Variants in SPIDR observed in about 807,000 individuals in gnomAD.
The protein encoded by SPIDR is scaffold protein involved in DNA repair.
Under a neutral mutation model 104.6 loss-of-function variants are expected in SPIDR, and 93 were observed. That is an observed-to-expected ratio of 0.89 (90% CI 0.75 to 1.06). The LOEUF (loss-of-function observed/expected upper bound fraction) is 1.06. Among genes scored for constraint, SPIDR ranks in the 50% least tolerant of loss-of-function variants. SPIDR has a pLI of 0.00. For synonymous variants in SPIDR, 431 were observed against 416.9 expected, an observed-to-expected ratio of 1.03 and a Z score of -0.41; for missense variants, 1,154 against 1,111.2, an observed-to-expected ratio of 1.04 and a Z score of -0.55.
intron 6 of SPIDR, among the ~76,000 whole-genome samples, chr8:47,401,807 A>C (rs1013492906): frequency 6.6e-6 from 1 of 152,244 alleles, no homozygotes; most frequent in Non-Finnish European, 1.5e-5. Flanking sequence ...ATGTGCACAC[A>C]ATACAAGAGC....
intron 4 of SPIDR, 142 bp downstream of exon 4, chr8:47,291,279 T>TA (rs1440291044): frequency 7.5e-6 from 4 of 534,212 alleles, no homozygotes; most frequent in Middle Eastern, 8.4e-4. Context: ...GGAAGAAACT[T>TA]ACATTCCTTT....
chr8:47,673,309 C>T (rs966450617), intron 10 of SPIDR: 8 of 423,042 alleles, frequency 1.9e-5, no homozygotes, highest in African/African-American at 6.1e-5. Flanking sequence ...CGTGTCTAAA[C>T]GTGTACTGTC....
intron 8 of SPIDR, among the ~76,000 whole-genome samples, chr8:47,535,445 CATT>C (rs2086735390): frequency 6.6e-6 from 1 of 151,896 alleles, no homozygotes; most frequent in Admixed American, 6.6e-5. Context: ...CAGGCAAAGA[CATT>C]ATAAGAAAGG....
chr8:47,582,048 C>G (rs992565758), intron 8 of SPIDR, among the ~76,000 whole-genome samples: 4 of 152,124 alleles, frequency 2.6e-5, no homozygotes, highest in Admixed American at 6.5e-5. Flanking sequence ...GAAACCCTGT[C>G]TCTACTAAAA....
chr8:47,348,127 T>A (rs551205333), intron 5 of SPIDR, among the ~76,000 whole-genome samples: 1 of 152,220 alleles, frequency 6.6e-6, no homozygotes, highest in African/African-American at 2.4e-5. Flanking sequence ...TCAGGAGTTC[T>A]TTTAGGGCAG....
intron 16 of SPIDR, among the ~76,000 whole-genome samples, chr8:47,719,192 C>T (rs1718792983): frequency 6.6e-6 from 1 of 152,102 alleles, no homozygotes; most frequent in African/African-American, 2.4e-5. Context: ...AGCAGCCCTG[C>T]CATCCTAAGC....
Position 47,293,971 on chromosome 8 carries a change from GCTT to G in SPIDR, c.470_472del (p.Ser157del), listed in dbSNP as rs1433433547. On this transcript the variant is annotated inframe_deletion, in exon 5 of 20. Coordinates refer to ENST00000297423, the MANE Select transcript of SPIDR (RefSeq NM_001080394.4). ...GGGTGCTGTGGAAATCTCAGACTGT[GCTT>G]CTTGTGCAAGTAATCAGTCTTTGAC... is the stretch of plus-strand genomic sequence containing the variant. The G allele has an allele frequency of 8.1e-6, 13 of 1,614,032 alleles. No homozygotes were observed. Among genetic ancestry groups the G allele is most frequent in the Admixed American group, 1.7e-5 (1 of 59,984 alleles).
chr8:47,651,187 G>A (rs2071553847), intron 10 of SPIDR, among the ~76,000 whole-genome samples: 1 of 152,066 alleles, frequency 6.6e-6, no homozygotes, highest in Non-Finnish European at 1.5e-5. Context: ...TTTGTAAACT[G>A]TGCATCTGAC....
chr8:47,397,743 A>T (rs1208592469), intron 6 of SPIDR, among the ~76,000 whole-genome samples: 2 of 152,188 alleles, frequency 1.3e-5, no homozygotes, highest in Non-Finnish European at 2.9e-5. Flanking sequence ...CGACAGGGTC[A>T]TGGCTCTTAT....
chr8:47,715,094 C>T lies in SPIDR; in HGVS notation c.2341+1453C>T, dbSNP rs117231630. ...CGCCCCGTTACCACCCACCCTCCCA[C>T]ACCCTAGTCTTAGGAAACCACCAAT... On this transcript the variant is annotated intron_variant, in intron 16 of 19. Transcript: ENST00000297423. 6.4e-3 allele frequency among the ~76,000 whole-genome samples: 978 copies of T among 152,064 alleles called. 1 individual carries two copies. The highest frequency in any genetic ancestry group is 0.011 in the Non-Finnish European group (757 of 67,968).
At chr8:47,546,970 C>G (rs953957726) in intron 8 of SPIDR, 1 of 499,794 alleles carries the variant, frequency 2.0e-6, no homozygotes, top group African/African-American at 2.0e-5. Flanking sequence ...TTCACGTGAA[C>G]CACATCAAAA....
intron 5 of SPIDR, among the ~76,000 whole-genome samples, chr8:47,343,196 G>A (rs2051123961): frequency 6.6e-6 from 1 of 152,110 alleles, no homozygotes; most frequent in African/African-American, 2.4e-5. Flanking sequence ...AAATCTGATT[G>A]ACAGTATTAA....
intron 8 of SPIDR, among the ~76,000 whole-genome samples, chr8:47,564,619 G>A (rs1158229974): frequency 1.3e-5 from 2 of 151,304 alleles, no homozygotes; most frequent in Non-Finnish European, 2.9e-5. Flanking sequence ...GGCAGAAGTT[G>A]CAGTGAGCAG....
chr8:47,286,989 C>T (rs1457175003), intron 3 of SPIDR, among the ~76,000 whole-genome samples: 1 of 151,998 alleles, frequency 6.6e-6, no homozygotes, highest in Non-Finnish European at 1.5e-5. Flanking sequence ...TTGTATTTTC[C>T]CTAAGTGTCG....
intron 8 of SPIDR, among the ~76,000 whole-genome samples, chr8:47,499,759 G>A (rs1442422139): frequency 6.6e-6 from 1 of 151,880 alleles, no homozygotes; most frequent in Non-Finnish European, 1.5e-5. Context: ...TTTAACATTA[G>A]GTATATCTCC....
intron 1 of SPIDR, among the ~76,000 whole-genome samples, chr8:47,277,959 C>T (rs2036893687): frequency 6.6e-6 from 1 of 152,178 alleles, no homozygotes; most frequent in Non-Finnish European, 1.5e-5. Flanking sequence ...AGGCATGAGC[C>T]ACCGTGCCCA....
At chr8:47,581,829 A>G (rs892771256) in intron 8 of SPIDR, among the ~76,000 whole-genome samples, 5 of 152,212 alleles carry the variant, frequency 3.3e-5, no homozygotes, top group Non-Finnish European at 7.3e-5. Flanking sequence ...ATTAATACCT[A>G]TTAATCCACT....
intron 8 of SPIDR, among the ~76,000 whole-genome samples, chr8:47,572,679 AAT>A (rs1491242588): frequency 8.1e-6 from 1 of 123,214 alleles, no homozygotes; most frequent in Non-Finnish European, 1.7e-5. Flanking sequence ...AATTAAAATA[AAT>A]AAATAAATAA....
intron 10 of SPIDR, among the ~76,000 whole-genome samples, chr8:47,644,890 A>G (rs2069997387): frequency 6.6e-6 from 1 of 152,208 alleles, no homozygotes; most frequent in Admixed American, 6.5e-5. Context: ...GAAAAGCTCC[A>G]GGAGACACAC....
Sources: gnomAD v4.1 joint callset for allele counts (sites outside exome capture counted in the v4.1 genomes callset) on GRCh38, gnomAD v4.1.1 for gene constraint, MANE v1.5 for transcripts, NCBI Gene and HGNC (gene_info 2026-07-23, HGNC 2026-07-21) for gene names.